Variants in PTPN4 observed in about 807,000 individuals in gnomAD.
PTPN4 encodes protein tyrosine phosphatase non-receptor type 4.
Under a neutral mutation model 135.5 loss-of-function variants are expected in PTPN4, and 49 were observed. The observed-to-expected ratio is 0.36, with a 90% CI of 0.29 to 0.46. The LOEUF is 0.46. PTPN4 is among the 20% of genes least tolerant of loss of function. The pLI is 1.00. For synonymous variants in PTPN4, 333 were observed against 369.9 expected, an observed-to-expected ratio of 0.90 and a Z score of 1.14; for missense variants, 860 against 1,101.0, an observed-to-expected ratio of 0.78 and a Z score of 3.10.
intron 2 of PTPN4, among the ~76,000 whole-genome samples, chr2:119,859,537 C>T (rs1001651670): frequency 6.6e-6 from 1 of 152,186 alleles, no homozygotes; most frequent in Admixed American, 6.5e-5. Flanking sequence ...CCTGAATCTT[C>T]TTCCTCCTGT....
intron 2 of PTPN4, among the ~76,000 whole-genome samples, chr2:119,846,183 C>T (rs565113796): frequency 3.9e-5 from 6 of 152,158 alleles, no homozygotes; most frequent in Non-Finnish European, 8.8e-5. Context: ...ATGGAGTGTT[C>T]TGTCTGACCT....
intron 2 of PTPN4, among the ~76,000 whole-genome samples, chr2:119,858,213 TATTTATTTAC>T (rs1439261419): frequency 1.3e-5 from 2 of 152,230 alleles, no homozygotes; most frequent in Admixed American, 1.3e-4. Context: ...CAGTCTCAGA[TATTTATTTAC>T]AGTGATGCAA....
chr2:119,963,596 A>T (rs17049929), intron 24 of PTPN4, among the ~76,000 whole-genome samples: 2,112 of 152,348 alleles, frequency 0.014, 48 homozygotes, highest in African/African-American at 0.048. Context: ...ACAGAGTCTT[A>T]CTGACGAAAA....
chr2:119,955,797 T>C (rs1296996904), intron 20 of PTPN4, among the ~76,000 whole-genome samples: 9 of 151,436 alleles, frequency 5.9e-5, no homozygotes, highest in East Asian at 3.9e-4. Context: ...ATTAGCCGGG[T>C]GTGGTGGCAG....
intron 15 of PTPN4, among the ~76,000 whole-genome samples, chr2:119,939,371 G>A (rs1465500186): frequency 2.0e-5 from 3 of 152,072 alleles, no homozygotes; most frequent in Non-Finnish European, 4.4e-5. Context: ...TGTAATCACC[G>A]CTCACTGCAG....
chr2:119,880,629 G>A (rs911500664), intron 5 of PTPN4, among the ~76,000 whole-genome samples: 27 of 151,576 alleles, frequency 1.8e-4, no homozygotes, highest in Non-Finnish European at 2.9e-4. Context: ...GTAGAGATGG[G>A]GTTTCACCGT....
chr2:119,837,029 G>A (rs2928635), intron 2 of PTPN4, among the ~76,000 whole-genome samples: 1,586 of 152,328 alleles, frequency 0.01, 32 homozygotes, highest in African/African-American at 0.037. Context: ...GAAGGTTCCC[G>A]GTGAAGCCCC....
At chr2:119,780,579 A>G (rs1307306565) in intron 1 of PTPN4, among the ~76,000 whole-genome samples, 1 of 152,138 alleles carries the variant, frequency 6.6e-6, no homozygotes, top group African/African-American at 2.4e-5. Flanking sequence ...ATGTTCCTCA[A>G]TTTGGATTTG....
At chr2:119,767,645 T>C (rs143466805) in intron 1 of PTPN4, among the ~76,000 whole-genome samples, 1 of 152,370 alleles carries the variant, frequency 6.6e-6, no homozygotes, top group Non-Finnish European at 1.5e-5. Flanking sequence ...CTGTCCTTTA[T>C]GACCTTGACA....
chr2:119,835,932 G>T (rs979729555), intron 2 of PTPN4, among the ~76,000 whole-genome samples: 1 of 152,034 alleles, frequency 6.6e-6, no homozygotes, highest in Non-Finnish European at 1.5e-5. Context: ...AGCCAGGCGT[G>T]GTGGCGGGTA....
chr2:119,767,013 C>T (rs1347464907), intron 1 of PTPN4, among the ~76,000 whole-genome samples: 1 of 152,154 alleles, frequency 6.6e-6, no homozygotes, highest in African/African-American at 2.4e-5. Flanking sequence ...GAAATAATTT[C>T]AAACCTAATG....
intron 11 of PTPN4, among the ~76,000 whole-genome samples, chr2:119,917,742 G>C (rs1035130948): frequency 6.6e-6 from 1 of 151,294 alleles, no homozygotes. Flanking sequence ...AAAAACAAAA[G>C]AAAAAAGGAA....
chr2:119,826,386 A>G (rs1243810214), intron 2 of PTPN4, among the ~76,000 whole-genome samples: 1 of 152,218 alleles, frequency 6.6e-6, no homozygotes, highest in African/African-American at 2.4e-5. Flanking sequence ...GTTTAGCAAG[A>G]GCTTTTGAGC....
intron 15 of PTPN4, among the ~76,000 whole-genome samples, chr2:119,937,587 G>T (rs1679001597): frequency 6.6e-6 from 1 of 152,178 alleles, no homozygotes; most frequent in South Asian, 2.1e-4. Context: ...CACTGCTGTT[G>T]TTGAAGCATT....
chr2:119,801,248 T>C (rs2104942371), intron 1 of PTPN4, among the ~76,000 whole-genome samples: 1 of 152,256 alleles, frequency 6.6e-6, no homozygotes, highest in East Asian at 1.9e-4. Flanking sequence ...TCACCACGCC[T>C]GGCTAATTTT....
rs1679543879 is a variant in PTPN4, at chr2:119,972,181, A to AAT, written c.2694+4210_2694+4211insTA. 2.0e-5 allele frequency among the ~76,000 whole-genome samples: 3 copies of AAT among 151,732 alleles called. No individual in the cohort carries two copies. In the South Asian group the frequency reaches 6.3e-4, roughly 32 times the overall value. On this transcript the variant is annotated intron_variant, in intron 26 of 26. Coordinates refer to ENST00000263708, the MANE Select transcript of PTPN4 (RefSeq NM_002830.4). ...TTTATTCTTTCTGAAAAAATAAAAA[A>AAT]AAAACCAGCAACCAGAATGTTCATA...
intron 2 of PTPN4, among the ~76,000 whole-genome samples, chr2:119,839,358 AGT>A (rs1677345943): frequency 6.6e-6 from 1 of 152,218 alleles, no homozygotes; most frequent in Non-Finnish European, 1.5e-5. Flanking sequence ...GAAGATTTAT[AGT>A]GCTAATAATG....
At chr2:119,787,100 T>G (rs1307870577) in intron 1 of PTPN4, among the ~76,000 whole-genome samples, 1 of 152,188 alleles carries the variant, frequency 6.6e-6, no homozygotes, top group African/African-American at 2.4e-5. Flanking sequence ...TGCACACGTG[T>G]GCATGTGTGT....
intron 2 of PTPN4, among the ~76,000 whole-genome samples, chr2:119,818,118 T>G (rs564568546): frequency 6.6e-6 from 1 of 152,336 alleles, no homozygotes; most frequent in South Asian, 2.1e-4. Flanking sequence ...CAGGGTTAGT[T>G]TGACTTCCTC....
Sources: allele counts gnomAD v4.1 joint callset (sites outside exome capture counted in the v4.1 genomes callset), GRCh38; gene constraint gnomAD v4.1.1; transcripts MANE v1.5; gene names NCBI Gene and HGNC (gene_info 2026-07-23, HGNC 2026-07-21).